STXBP5: variants seen among roughly 807,000 people sequenced by gnomAD.
STXBP5 encodes syntaxin binding protein 5.
A neutral mutation model predicts 152.4 loss-of-function variants in STXBP5; 50 were observed. The observed-to-expected ratio is 0.33, with a 90% CI of 0.26 to 0.42. The LOEUF (loss-of-function observed/expected upper bound fraction) is 0.42, where lower values mean the gene tolerates loss of function less well. STXBP5 is among the 10% of genes least tolerant of loss of function. The pLI, the probability that STXBP5 is intolerant of heterozygous loss-of-function variation, is 1.00. For missense variants in STXBP5, 1,167 were observed against 1,388.6 expected, an observed-to-expected ratio of 0.84 and a Z score of 2.54; for synonymous variants, 492 against 494.7, an observed-to-expected ratio of 0.99 and a Z score of 0.07.
At chr6:147,263,773 A>G (rs925252691) in intron 6 of STXBP5, among the ~76,000 whole-genome samples, 4 of 151,922 alleles carry the variant, frequency 2.6e-5, no homozygotes, top group African/African-American at 9.7e-5. Flanking sequence ...CAGATTAAAT[A>G]TTTTTTGTTT....
chr6:147,292,374 A>G, intron 9 of STXBP5: 1 of 352,778 alleles, frequency 2.8e-6, no homozygotes, highest in Non-Finnish European at 5.5e-6. Flanking sequence ...CCTGTAGCAT[A>G]GTTATCTGAC....
chr6:147,249,915 G>T (rs1041715446), intron 4 of STXBP5, among the ~76,000 whole-genome samples: 1 of 152,138 alleles, frequency 6.6e-6, no homozygotes, highest in Non-Finnish European at 1.5e-5. Context: ...CATCCCACAG[G>T]CATTTCAGCA....
At chr6:147,265,584 G>A (rs1779851678) in intron 6 of STXBP5, among the ~76,000 whole-genome samples, 2 of 151,984 alleles carry the variant, frequency 1.3e-5, no homozygotes, top group Non-Finnish European at 2.9e-5. Flanking sequence ...GTAGAGGATT[G>A]CTTATTGAAT....
intron 26 of STXBP5, among the ~76,000 whole-genome samples, chr6:147,382,154 C>T (rs1401033918): frequency 6.6e-6 from 1 of 152,030 alleles, no homozygotes; most frequent in Non-Finnish European, 1.5e-5. Flanking sequence ...TAAAAAGCAT[C>T]TGGATAGCAA....
intron 9 of STXBP5, 22 bp downstream of exon 9, chr6:147,291,194 A>G (rs1347392787): frequency 1.3e-6 from 2 of 1,597,578 alleles, no homozygotes; most frequent in African/African-American, 2.7e-5. Flanking sequence ...CTTCATTGCC[A>G]ATGTTCATTG....
At chr6:147,318,056 A>G (rs1355473144) in intron 16 of STXBP5, among the ~76,000 whole-genome samples, 3 of 151,794 alleles carry the variant, frequency 2.0e-5, no homozygotes, top group Non-Finnish European at 4.4e-5. Context: ...CAGAATTAGA[A>G]TGATTTATTT....
intron 4 of STXBP5, among the ~76,000 whole-genome samples, chr6:147,254,263 C>T (rs755131224): frequency 6.6e-6 from 1 of 152,140 alleles, no homozygotes; most frequent in African/African-American, 2.4e-5. Flanking sequence ...AAACTGGACC[C>T]CTTCCTTACA....
At chr6:147,320,408 C>T (rs552003724) in intron 16 of STXBP5, among the ~76,000 whole-genome samples, 2 of 152,198 alleles carry the variant, frequency 1.3e-5, no homozygotes, top group East Asian at 3.9e-4. Context: ...GAGAGGGCTA[C>T]ATTAATTATT....
chr6:147,299,738 C>G (rs1298572595), intron 9 of STXBP5, among the ~76,000 whole-genome samples: 2 of 152,048 alleles, frequency 1.3e-5, no homozygotes, highest in South Asian at 2.1e-4. Flanking sequence ...GATCATGTAC[C>G]ACAATCAAGT....
At chr6:147,361,267 C>T (rs575297857) in intron 23 of STXBP5, among the ~76,000 whole-genome samples, 23 of 152,058 alleles carry the variant, frequency 1.5e-4, no homozygotes, top group African/African-American at 5.5e-4. Flanking sequence ...AAAATGTTTC[C>T]AATAAATGAA....
chr6:147,264,310 T>C (rs1193580643), intron 6 of STXBP5, among the ~76,000 whole-genome samples: 3 of 152,094 alleles, frequency 2.0e-5, no homozygotes, highest in Non-Finnish European at 4.4e-5. Context: ...GTTAGACTTA[T>C]GATAGGAATA....
intron 21 of STXBP5, among the ~76,000 whole-genome samples, chr6:147,352,646 A>G (rs1174896857): frequency 1.3e-5 from 2 of 152,136 alleles, no homozygotes; most frequent in African/African-American, 4.8e-5. Flanking sequence ...AGTAGCTATG[A>G]AGATGATGAG....
chr6:147,222,828 A>G (rs924972697), intron 2 of STXBP5, among the ~76,000 whole-genome samples: 3 of 152,208 alleles, frequency 2.0e-5, no homozygotes, highest in African/African-American at 2.4e-5. Flanking sequence ...GGACATCTCT[A>G]TGACTGGGTT....
intron 9 of STXBP5, among the ~76,000 whole-genome samples, chr6:147,301,230 C>T (rs977191493): frequency 6.6e-6 from 1 of 152,082 alleles, no homozygotes; most frequent in Non-Finnish European, 1.5e-5. Context: ...TATTGAAAAT[C>T]ATATGGAGGT....
intron 2 of STXBP5, among the ~76,000 whole-genome samples, chr6:147,214,482 A>G (rs73788818): frequency 0.016 from 2,490 of 152,278 alleles, 61 homozygotes; most frequent in African/African-American, 0.055. Context: ...GTGTTCCTCA[A>G]TGGCCATGTG....
Position 147,316,364 on chromosome 6 carries a change from A to G in STXBP5, c.1759A>G (p.Ser587Gly). Residue 587 changes from serine to glycine, a missense_variant, in exon 16 of 28, where the codon AGC (serine) becomes GGC (glycine). Around this residue, in one of 3 missense-constraint regions of STXBP5, gnomAD observed 833 missense variants for 986.3 expected, o/e 0.84. Transcript: ENST00000321680. ...IPPQSHPSTS[S>G]SSSDGLRDNV... ...TCCTCAGTCTCATCCATCTACCAGT[A>G]GCAGTTCATCTGATGGGCTTCGTGA... is the stretch of plus-strand genomic sequence containing the variant. 1 of 1,593,680 alleles carries G rather than the reference A, an allele frequency of 6.3e-7. No individual in the cohort carries two copies. The highest frequency in any genetic ancestry group is 1.4e-5 in the African/African-American group (1 of 73,680).
At chr6:147,264,358 C>T (rs999867597) in intron 6 of STXBP5, among the ~76,000 whole-genome samples, 1 of 152,050 alleles carries the variant, frequency 6.6e-6, no homozygotes, top group Non-Finnish European at 1.5e-5. Context: ...AAGCACTGTG[C>T]TTGCCACTTT....
At chr6:147,374,316 A>G (rs998040502) in intron 26 of STXBP5, among the ~76,000 whole-genome samples, 1 of 152,228 alleles carries the variant, frequency 6.6e-6, no homozygotes, top group African/African-American at 2.4e-5. Context: ...GAATGAACTA[A>G]TGAATCAGTG....
intron 4 of STXBP5, among the ~76,000 whole-genome samples, chr6:147,250,944 G>A (rs1779053821): frequency 6.9e-6 from 1 of 143,984 alleles, no homozygotes; most frequent in African/African-American, 2.6e-5. Flanking sequence ...CTCCAGCATG[G>A]GCAACAAGAG....
Sources: gnomAD v4.1 joint callset for allele counts (sites outside exome capture counted in the v4.1 genomes callset) on GRCh38, gnomAD v4.1.1 for gene constraint, gnomAD v4.1.1 regional missense constraint, MANE v1.5 for transcripts, NCBI Gene and HGNC (gene_info 2026-07-23, HGNC 2026-07-21) for gene names.